AIG1: variants seen among roughly 807,000 people sequenced by gnomAD.
The protein encoded by AIG1 is androgen-induced gene 1 protein.
In AIG1, 23 loss-of-function variants were observed where a neutral mutation model predicts 31.4. That is an observed-to-expected ratio of 0.73 (90% CI 0.53 to 1.04). AIG1 has a LOEUF of 1.04. Among genes scored for constraint, AIG1 ranks in the 50% least tolerant of loss-of-function variants. The pLI, the probability that AIG1 is intolerant of heterozygous loss-of-function variation, is 0.00. For synonymous variants in AIG1, 100 were observed against 110.5 expected (o/e 0.90, Z 0.60); for missense variants, 274 against 295.0 (o/e 0.93, Z 0.52).
chr6:143,249,749 AC>A (rs200178344), intron 3 of AIG1, among the ~76,000 whole-genome samples: 2 of 151,754 alleles, frequency 1.3e-5, no homozygotes, highest in Non-Finnish European at 1.5e-5. Flanking sequence ...TTTTGCTTCA[AC>A]CCCCCCTATG....
chr6:143,109,246 T>C (rs1183255577), intron 1 of AIG1, among the ~76,000 whole-genome samples: 2 of 152,356 alleles, frequency 1.3e-5, no homozygotes, highest in Non-Finnish European at 2.9e-5. Flanking sequence ...CCATTTTGTA[T>C]GTTTTAAAAT....
chr6:143,158,440 C>T lies in AIG1; in HGVS notation c.298-6642C>T, dbSNP rs565985674. On this transcript the variant is annotated intron_variant, in intron 2 of 5. Transcript: ENST00000357847. ...GCAGGATCTTGTTTCTTCCATCAGT[C>T]TCCCCATGTCCTTATTTAATTTTCC... Among the ~76,000 whole-genome samples, 16 of 152,320 alleles carry T rather than the reference C, an allele frequency of 1.1e-4. No individual in the cohort carries two copies. In the South Asian group the frequency reaches 3.3e-3, roughly 32 times the overall value.
intron 1 of AIG1, among the ~76,000 whole-genome samples, chr6:143,121,254 C>T (rs1782219367): frequency 6.6e-6 from 1 of 152,182 alleles, no homozygotes; most frequent in African/African-American, 2.4e-5. Context: ...TTAGGGTCTT[C>T]CCGACCAAGC....
At chr6:143,117,912 G>C (rs1220496743) in intron 1 of AIG1, among the ~76,000 whole-genome samples, 1 of 152,158 alleles carries the variant, frequency 6.6e-6, no homozygotes, top group African/African-American at 2.4e-5. Context: ...CTGTCTTCAT[G>C]ACATGAAAAA....
At position 143,190,049 on chromosome 6, in the gene AIG1, C is replaced by T. The variant is rs77426414; in HGVS notation, c.399+24866C>T. On this transcript the variant is annotated intron_variant, in intron 3 of 5. Transcript: ENST00000357847. The stretch of plus-strand genomic sequence containing the variant: ...TCTCTCTGGAGCCTCTTTTAAAAGC[C>T]CACCAATCCCATTCATTGAGGATTC... 1,631 of 543,224 alleles carry T rather than the reference C, an allele frequency of 3.0e-3. 19 individuals are homozygous for T. The African/African-American group carries it at 0.032, about 10-fold the overall frequency. 33.7% of individuals were successfully genotyped at this position (543,224 alleles called of 1,614,324 possible).
At chr6:143,216,824 G>T (rs1476457076) in intron 3 of AIG1, among the ~76,000 whole-genome samples, 1 of 152,200 alleles carries the variant, frequency 6.6e-6, no homozygotes. Flanking sequence ...AGTGAGGGGA[G>T]AGGAGGAATC....
At chr6:143,132,298 G>C (rs944206337) in intron 1 of AIG1, among the ~76,000 whole-genome samples, 1 of 151,804 alleles carries the variant, frequency 6.6e-6, no homozygotes, top group African/African-American at 2.4e-5. Flanking sequence ...ATATCCTTTA[G>C]TGAAAGTCTA....
At chr6:143,247,141 T>C (rs1057387429) in intron 3 of AIG1, among the ~76,000 whole-genome samples, 1 of 34,578 alleles carries the variant, frequency 2.9e-5, no homozygotes, top group Non-Finnish European at 4.6e-5. Flanking sequence ...TGTCCAAGAT[T>C]TTTTTTTTTT....
intron 4 of AIG1, among the ~76,000 whole-genome samples, chr6:143,310,166 T>C (rs1316118314): frequency 6.6e-6 from 1 of 151,916 alleles, no homozygotes; most frequent in Non-Finnish European, 1.5e-5. Flanking sequence ...CTATAGAATA[T>C]TTTATTCATC....
intron 4 of AIG1, among the ~76,000 whole-genome samples, chr6:143,294,638 T>C (rs4896636): frequency 0.27 from 41,289 of 151,852 alleles, 7,220 homozygotes; most frequent in African/African-American, 0.5. Flanking sequence ...CTGTCATTAC[T>C]TTAGCAAAAT....
chr6:143,122,308 A>G (rs1562398113), intron 1 of AIG1, among the ~76,000 whole-genome samples: 1 of 152,194 alleles, frequency 6.6e-6, no homozygotes, highest in Non-Finnish European at 1.5e-5. Flanking sequence ...GCTTTCATCA[A>G]AAAAATGTTT....
At chr6:143,257,419 A>G (rs1795445841) in intron 3 of AIG1, among the ~76,000 whole-genome samples, 1 of 152,248 alleles carries the variant, frequency 6.6e-6, no homozygotes, top group Admixed American at 6.5e-5. Context: ...AAATCAAATT[A>G]AACTTCTGAA....
Position 143,256,501 on chromosome 6 carries a change from T to G in AIG1, c.400-27609T>G, listed in dbSNP as rs1183154066. On this transcript the variant is annotated intron_variant, in intron 3 of 5. Coordinates refer to ENST00000357847, the MANE Select transcript of AIG1 (RefSeq NM_016108.4). This position sits in a 1 kb window ranked among gnomAD's most constrained non-coding sequence, Gnocchi z 4.6. ...CATCAGTAAATTTTATTTTGTCAGG[T>G]TTAGACATTTTTCTTGCACAGTGAT... Among the ~76,000 whole-genome samples, 3 of 152,236 alleles carry G rather than the reference T, an allele frequency of 2.0e-5. No individual in the cohort carries two copies. The highest frequency in any genetic ancestry group is 7.2e-5 in the African/African-American group (3 of 41,466).
intron 1 of AIG1, among the ~76,000 whole-genome samples, chr6:143,077,415 T>C (rs1777835223): frequency 6.6e-6 from 1 of 152,232 alleles, no homozygotes; most frequent in Non-Finnish European, 1.5e-5. Flanking sequence ...TTTTCTTCAT[T>C]GAGTATGCTT....
chr6:143,155,007 C>T (rs1785600209), intron 2 of AIG1, among the ~76,000 whole-genome samples: 1 of 146,364 alleles, frequency 6.8e-6, no homozygotes. Flanking sequence ...ACCACCACAT[C>T]TGGCTATTTT....
chr6:143,132,489 G>T (rs1783334420), intron 1 of AIG1, among the ~76,000 whole-genome samples: 4 of 151,920 alleles, frequency 2.6e-5, no homozygotes. Context: ...TTTCCCTCCA[G>T]TGGCTTTAAA....
rs1016651722 is a variant in AIG1, at chr6:143,323,162, G to T, written c.516-10120G>T. Among the ~76,000 whole-genome samples, 4 of 152,154 alleles carry T rather than the reference G, an allele frequency of 2.6e-5. No homozygotes were observed. The South Asian group carries it at 8.3e-4, about 32-fold the overall frequency. Reference sequence around the variant, plus strand: ...ACGTAGGCAGGACCAGTTAATCGTTGATCTCATAACTACGTAGGCGGGACC... The same window carrying T: ...ACGTAGGCAGGACCAGTTAATCGTTTATCTCATAACTACGTAGGCGGGACC... On this transcript the variant is annotated intron_variant, in intron 4 of 5. Coordinates refer to ENST00000357847, the MANE Select transcript of AIG1 (RefSeq NM_016108.4).
Position 143,326,660 on chromosome 6 carries a change from T to C in AIG1, c.516-6622T>C, listed in dbSNP as rs1175523680. Among the ~76,000 whole-genome samples the C allele has an allele frequency of 6.6e-6, 1 of 152,218 alleles. No homozygotes were observed. The highest frequency in any genetic ancestry group is 2.4e-5 in the African/African-American group (1 of 41,460). On this transcript the variant is annotated intron_variant, in intron 4 of 5. Coordinates refer to ENST00000357847, the MANE Select transcript of AIG1 (RefSeq NM_016108.4). The surrounding 1 kb of genome is among the most constrained non-coding windows in gnomAD (Gnocchi z 4.5). ...GAACTTATAAAAATCTGTCCTAATC[T>C]GATGGATCAGGGGAGACTTTCCCGG... is the stretch of plus-strand genomic sequence containing the variant.
At chr6:143,273,092 G>A (rs552016371) in intron 3 of AIG1, among the ~76,000 whole-genome samples, 2 of 152,304 alleles carry the variant, frequency 1.3e-5, no homozygotes, top group East Asian at 3.9e-4. Flanking sequence ...TCATGCCATT[G>A]CACTCCAGTC....
Sources: gnomAD v4.1 joint callset for allele counts (sites outside exome capture counted in the v4.1 genomes callset) on GRCh38, gnomAD v4.1.1 for gene constraint, Gnocchi (gnomAD v3.1) non-coding constraint, MANE v1.5 for transcripts, NCBI Gene and HGNC (gene_info 2026-07-23, HGNC 2026-07-21) for gene names.